The following GRK5 variants were observed in gnomAD, a reference collection of about 807,000 sequenced individuals.
GRK5 encodes the protein G protein-coupled receptor kinase 5.
In GRK5, 40 loss-of-function variants were observed where a neutral mutation model predicts 78.4. The ratio of observed to expected loss-of-function variants is 0.51; its 90% CI spans 0.40 to 0.66. The LOEUF is 0.66. Among genes scored for constraint, GRK5 ranks in the 30% least tolerant of loss-of-function variants. The pLI, the probability that GRK5 is intolerant of heterozygous loss-of-function variation, is 0.00. For missense variants in GRK5, 598 were observed against 759.9 expected, an observed-to-expected ratio of 0.79 and a Z score of 2.50; for synonymous variants, 289 against 296.8, an observed-to-expected ratio of 0.97 and a Z score of 0.27.
At chr10:119,216,052 C>G (rs760665693) in intron 1 of GRK5, among the ~76,000 whole-genome samples, 4 of 152,186 alleles carry the variant, frequency 2.6e-5, no homozygotes, top group Non-Finnish European at 5.9e-5. Flanking sequence ...AAAACTGTTT[C>G]TTGTGAGATT....
At chr10:119,290,828 T>C (rs1190994474) in intron 1 of GRK5, among the ~76,000 whole-genome samples, 1 of 152,132 alleles carries the variant, frequency 6.6e-6, no homozygotes, top group African/African-American at 2.4e-5. Context: ...TGAGACATAA[T>C]CATCTCTTCC....
chr10:119,246,151 G>A (rs906359471), intron 1 of GRK5, among the ~76,000 whole-genome samples: 45 of 151,734 alleles, frequency 3.0e-4, no homozygotes, highest in Admixed American at 2.8e-3. Context: ...ATTGGTTCCA[G>A]GTCCCCCCTT....
Position 119,378,196 on chromosome 10 carries a change from C to A in GRK5, c.149-2619C>A, listed in dbSNP as rs1397035411. On this transcript the variant is annotated intron_variant, in intron 2 of 15. Coordinates refer to ENST00000392870, the MANE Select transcript of GRK5 (RefSeq NM_005308.3). The surrounding 1 kb of genome is among the most constrained non-coding windows in gnomAD (Gnocchi z 4.5). ...GCTCCCTGCGGGCTGGGACCACATC[C>A]CTAGGTACCCCTCCCCGTCAGAACC... Among the ~76,000 whole-genome samples the A allele has an allele frequency of 6.6e-6, 1 of 152,196 alleles. No homozygotes were observed. The highest frequency in any genetic ancestry group is 6.5e-5 in the Admixed American group (1 of 15,286).
At chr10:119,426,590 G>A (rs1852681119) in intron 6 of GRK5, among the ~76,000 whole-genome samples, 1 of 152,198 alleles carries the variant, frequency 6.6e-6, no homozygotes, top group Non-Finnish European at 1.5e-5. Flanking sequence ...AACACCTGCT[G>A]GAACAAGGCA....
rs750394682 is a variant in GRK5, at chr10:119,423,236, C to T, written c.410C>T (p.Pro137Leu). ...ACGGAGGAGAAGCTCCTACAGAAGC[C>T]GTGCAAAGAACTCTTTTCTGCCTGT... ...SQTEEKLLQK[P>L]CKELFSACAQ... is the part of the protein sequence containing the mutation. The change falls in exon 5 of 16, where the codon CCG becomes CTG. Residue 137 changes from proline to leucine, a missense_variant. By Grantham distance (98) the Pro-to-Leu change is moderately conservative. Transcript: ENST00000392870. The T allele has an allele frequency of 7.4e-6, 12 of 1,613,954 alleles. No individual in the cohort carries two copies. The highest frequency in any genetic ancestry group is 2.2e-5 in the East Asian group (1 of 44,898).
rs534074020 is a variant in GRK5 at position 119,336,636 on chromosome 10, C to G, written c.148+10025C>G. 7.2e-5 allele frequency among the ~76,000 whole-genome samples: 11 copies of G among 152,320 alleles called. No individual in the cohort carries two copies. The highest frequency in any genetic ancestry group is 5.9e-4 in the Admixed American group (9 of 15,310). Reference sequence around the variant, plus strand: ...AGAGGATGATCAGAATCTCACACGTCTTGGTGACCCAGTCCCCTTCAGGCC... The same window carrying G: ...AGAGGATGATCAGAATCTCACACGTGTTGGTGACCCAGTCCCCTTCAGGCC... On this transcript the variant is annotated intron_variant, in intron 2 of 15. Transcript: ENST00000392870. This position sits in a 1 kb window ranked among gnomAD's most constrained non-coding sequence, Gnocchi z 4.5.
intron 2 of GRK5, among the ~76,000 whole-genome samples, chr10:119,363,273 C>T (rs1851393992): frequency 1.4e-5 from 2 of 141,706 alleles, no homozygotes; most frequent in African/African-American, 5.1e-5. Context: ...AAGAGTGAAA[C>T]TGTCTCAAAA....
At chr10:119,323,563 G>A (rs1335786773) in intron 1 of GRK5, among the ~76,000 whole-genome samples, 1 of 152,212 alleles carries the variant, frequency 6.6e-6, no homozygotes, top group Non-Finnish European at 1.5e-5. Flanking sequence ...GCGGCTAGAT[G>A]AGGATTGGCT....
intron 1 of GRK5, among the ~76,000 whole-genome samples, chr10:119,312,093 A>G (rs1850369259): frequency 6.6e-6 from 1 of 151,856 alleles, no homozygotes; most frequent in South Asian, 2.1e-4. Context: ...TTGTATTTTT[A>G]GTAGAGATGG....
intron 1 of GRK5, among the ~76,000 whole-genome samples, chr10:119,246,322 G>A (rs1849112174): frequency 6.6e-6 from 1 of 152,004 alleles, no homozygotes; most frequent in South Asian, 2.1e-4. Flanking sequence ...GTTGTTCAGG[G>A]AATAATGACA....
intron 3 of GRK5, among the ~76,000 whole-genome samples, chr10:119,384,877 G>A (rs1303280701): frequency 6.6e-6 from 1 of 152,228 alleles, no homozygotes; most frequent in Non-Finnish European, 1.5e-5. Context: ...TCGAAGGTGA[G>A]AACTGGGATG....
At chr10:119,225,249 A>G (rs1261550469) in intron 1 of GRK5, among the ~76,000 whole-genome samples, 1 of 152,270 alleles carries the variant, frequency 6.6e-6, no homozygotes, top group Non-Finnish European at 1.5e-5. Flanking sequence ...TGATTATCCT[A>G]CACTGTATTA....
chr10:119,445,923 TC>T lies in GRK5; in HGVS notation c.1266+2173del, dbSNP rs1252986846. Among the ~76,000 whole-genome samples, 1 of 128,294 alleles carries T rather than the reference TC, an allele frequency of 7.8e-6. No homozygotes were observed. The highest frequency in any genetic ancestry group is 1.8e-5 in the Non-Finnish European group (1 of 54,502). 84.2% of individuals were successfully genotyped at this position (128,294 alleles called of 152,430 possible). On this transcript the variant is annotated intron_variant, in intron 12 of 15. Transcript: ENST00000392870. This position sits in a 1 kb window ranked among gnomAD's most constrained non-coding sequence, Gnocchi z 4.1. The stretch of plus-strand genomic sequence containing the variant: ...TAGCAGCCGCAGAACCCACTCCCCC[TC>T]CTCTGGAGCCCAGAAATTCACACAT...
chr10:119,320,382 G>A (rs180852449), intron 1 of GRK5, among the ~76,000 whole-genome samples: 56 of 152,322 alleles, frequency 3.7e-4, no homozygotes, highest in Non-Finnish European at 5.9e-5. Flanking sequence ...TGAGAGCTGT[G>A]GGCTGGGTCT....
chr10:119,295,980 G>A (rs1850073364), intron 1 of GRK5, among the ~76,000 whole-genome samples: 1 of 152,160 alleles, frequency 6.6e-6, no homozygotes, highest in South Asian at 2.1e-4. Flanking sequence ...AACCCATCAG[G>A]ATGATTTGGG....
chr10:119,232,977 C>A (rs1448685486), intron 1 of GRK5, among the ~76,000 whole-genome samples: 4 of 152,192 alleles, frequency 2.6e-5, no homozygotes, highest in African/African-American at 4.8e-5. Flanking sequence ...AGATAAAAAA[C>A]TATAATATTT....
At chr10:119,389,423 T>C (rs1160781960) in intron 3 of GRK5, among the ~76,000 whole-genome samples, 1 of 152,202 alleles carries the variant, frequency 6.6e-6, no homozygotes, top group African/African-American at 2.4e-5. Flanking sequence ...CAGGTGCACA[T>C]AGAGACAGTC....
At chr10:119,428,774 G>C (rs1852753569) in intron 6 of GRK5, among the ~76,000 whole-genome samples, 2 of 152,202 alleles carry the variant, frequency 1.3e-5, no homozygotes. Flanking sequence ...CAGGACCCTG[G>C]CCTAGGAATG....
chr10:119,368,958 G>C (rs193061966), intron 2 of GRK5, among the ~76,000 whole-genome samples: 182 of 152,330 alleles, frequency 1.2e-3, no homozygotes, highest in African/African-American at 4.1e-3. Context: ...ATACTCCCCA[G>C]TTTGGAAGCG....
Sources: gnomAD v4.1 joint callset for allele counts (sites outside exome capture counted in the v4.1 genomes callset) on GRCh38, gnomAD v4.1.1 for gene constraint, Gnocchi (gnomAD v3.1) non-coding constraint, MANE v1.5 for transcripts, NCBI Gene and HGNC (gene_info 2026-07-23, HGNC 2026-07-21) for gene names.